The following CACNB2 variants were observed in gnomAD, a reference collection of about 807,000 sequenced individuals.
CACNB2 encodes calcium voltage-gated channel auxiliary subunit beta 2, also known as voltage-dependent L-type calcium channel subunit beta-2.
In CACNB2, 42 loss-of-function variants were observed where a neutral mutation model predicts 73.3. The ratio of observed to expected loss-of-function variants is 0.57; its 90% CI spans 0.45 to 0.74. CACNB2 has a LOEUF of 0.74. Among genes scored for constraint, CACNB2 ranks in the 30% least tolerant of loss-of-function variants. The pLI, the probability that CACNB2 is intolerant of heterozygous loss-of-function variation, is 0.00. For missense variants in CACNB2, 940 were observed against 853.0 expected (o/e 1.10, Z -1.27); for synonymous variants, 348 against 310.3 (o/e 1.12, Z -1.28).
intron 1 of CACNB2, among the ~76,000 whole-genome samples, chr10:18,142,803 A>C (rs1204162792): frequency 6.6e-6 from 1 of 152,250 alleles, no homozygotes; most frequent in Admixed American, 6.5e-5. Context: ...CTGCCTTCAA[A>C]GAATTTATAT....
At chr10:18,261,380 T>G (rs964018178) in intron 2 of CACNB2, 1 of 1,550,982 alleles carries the variant, frequency 6.4e-7, no homozygotes, top group Non-Finnish European at 8.7e-7. Context: ...GTCTGTCTGG[T>G]GCATGTTGCC....
At chr10:18,483,609 T>G (rs949076990) in intron 3 of CACNB2, among the ~76,000 whole-genome samples, 31 of 152,008 alleles carry the variant, frequency 2.0e-4, no homozygotes, top group African/African-American at 7.5e-4. Flanking sequence ...TCGCTGAAAT[T>G]TGTATAACTT....
At chr10:18,350,751 C>A (rs1170303778) in intron 2 of CACNB2, among the ~76,000 whole-genome samples, 3 of 152,138 alleles carry the variant, frequency 2.0e-5, no homozygotes, top group Non-Finnish European at 4.4e-5. Context: ...GGTGTGATAC[C>A]AAGATCATCT....
chr10:18,313,443 G>A (rs2040037169), intron 2 of CACNB2, among the ~76,000 whole-genome samples: 1 of 150,968 alleles, frequency 6.6e-6, no homozygotes, highest in Non-Finnish European at 1.5e-5. Context: ...ATGTCTCCTG[G>A]GAAAGGCAAA....
At chr10:18,220,702 C>G (rs945191701) in intron 2 of CACNB2, among the ~76,000 whole-genome samples, 2 of 152,170 alleles carry the variant, frequency 1.3e-5, no homozygotes, top group African/African-American at 4.8e-5. Flanking sequence ...AGCCTGAGCT[C>G]CACCTCCTGT....
chr10:18,375,747 G>A (rs1219087782), intron 2 of CACNB2, among the ~76,000 whole-genome samples: 1 of 152,180 alleles, frequency 6.6e-6, no homozygotes, highest in Non-Finnish European at 1.5e-5. Flanking sequence ...GGTATTGCCT[G>A]TGTCTACAGT....
At chr10:18,513,315 G>A (rs1031668713) in intron 6 of CACNB2, 9 of 161,316 alleles carry the variant, frequency 5.6e-5, no homozygotes, top group African/African-American at 2.2e-4. Context: ...TACTTATTGA[G>A]TTTTTTCACC....
At chr10:18,369,210 T>C (rs1332713321) in intron 2 of CACNB2, among the ~76,000 whole-genome samples, 1 of 152,244 alleles carries the variant, frequency 6.6e-6, no homozygotes, top group African/African-American at 2.4e-5. Flanking sequence ...AGGCGTACTA[T>C]TTAAATTACA....
chr10:18,405,461 AT>A (rs1316321745), intron 3 of CACNB2, among the ~76,000 whole-genome samples: 1 of 152,078 alleles, frequency 6.6e-6, no homozygotes, highest in Admixed American at 6.5e-5. Context: ...TCCTGTATAT[AT>A]TTTTTTGTGT....
intron 6 of CACNB2, among the ~76,000 whole-genome samples, chr10:18,512,644 A>G (rs898388629): frequency 7.2e-5 from 11 of 152,172 alleles, no homozygotes; most frequent in Admixed American, 2.0e-4. Flanking sequence ...TATTAATCAA[A>G]ATAGGAAACA....
chr10:18,409,640 G>T (rs1385577801), intron 3 of CACNB2, among the ~76,000 whole-genome samples: 1 of 152,176 alleles, frequency 6.6e-6, no homozygotes, highest in Non-Finnish European at 1.5e-5. Flanking sequence ...AAAGCTGATT[G>T]GAAGCTCCAA....
Position 18,248,839 on chromosome 10 carries a change from C to G in CACNB2, c.213+97864C>G, listed in dbSNP as rs200558757. On this transcript the variant is annotated intron_variant, in intron 2 of 13. Transcript: ENST00000324631. ...ACTCTCTGTTCCTCTCTCCCTCTGT[C>G]TTATTTTCCTGGGAAATGTGACATC... Among the ~76,000 whole-genome samples the G allele has an allele frequency of 5.3e-5, 8 of 152,290 alleles. No individual in the cohort carries two copies. In the East Asian group the frequency reaches 1.5e-3, roughly 29 times the overall value.
chr10:18,260,738 A>G, intron 2 of CACNB2: 1 of 1,001,652 alleles, frequency 1.0e-6, no homozygotes, highest in Non-Finnish European at 1.2e-6. Context: ...TGAAGAAGGC[A>G]ATCATAGGCG....
intron 2 of CACNB2, among the ~76,000 whole-genome samples, chr10:18,396,144 A>T (rs1251918897): frequency 6.6e-6 from 1 of 151,834 alleles, no homozygotes; most frequent in Admixed American, 6.6e-5. Flanking sequence ...TTTAGTAGAG[A>T]TGGGGTTTCA....
chr10:18,435,007 A>T (rs560083090), intron 3 of CACNB2, among the ~76,000 whole-genome samples: 1 of 152,284 alleles, frequency 6.6e-6, no homozygotes, highest in Admixed American at 6.5e-5. Context: ...CCTGAGCCAC[A>T]CTTTGAGAAC....
chr10:18,517,331 T>C (rs1013991134), intron 7 of CACNB2, among the ~76,000 whole-genome samples: 2 of 152,222 alleles, frequency 1.3e-5, no homozygotes, highest in Non-Finnish European at 2.9e-5. Flanking sequence ...TTTTATGCTA[T>C]CAAAAGAGCC....
At chr10:18,297,104 G>A (rs1288682190) in intron 2 of CACNB2, among the ~76,000 whole-genome samples, 1 of 152,132 alleles carries the variant, frequency 6.6e-6, no homozygotes, top group Non-Finnish European at 1.5e-5. Context: ...TGAATTCGGG[G>A]ATTTATCGTC....
At position 18,420,648 on chromosome 10, in the gene CACNB2, A is replaced by C. The variant is rs7908861; in HGVS notation, c.333+18605A>C. Among the ~76,000 whole-genome samples the C allele has an allele frequency of 6.8e-4, 104 of 152,066 alleles. 1 individual carries two copies. In the East Asian group the frequency reaches 9.5e-3, roughly 14 times the overall value. The stretch of plus-strand genomic sequence containing the variant: ...TACTCAGTCCACCAATTCAAATGCT[A>C]ATTTCACCCCAAACACCCTCACAGA... On this transcript the variant is annotated intron_variant, in intron 3 of 13. Transcript: ENST00000324631.
At chr10:18,389,309 A>T (rs1199050630) in intron 2 of CACNB2, among the ~76,000 whole-genome samples, 1 of 151,880 alleles carries the variant, frequency 6.6e-6, no homozygotes, top group African/African-American at 2.4e-5. Flanking sequence ...GCTCATTTTT[A>T]AAATGTTTTT....
Sources: gnomAD v4.1 joint callset for allele counts (sites outside exome capture counted in the v4.1 genomes callset) on GRCh38, gnomAD v4.1.1 for gene constraint, MANE v1.5 for transcripts, NCBI Gene and HGNC (gene_info 2026-07-23, HGNC 2026-07-21) for gene names.